Variants in SORCS1 observed in about 807,000 individuals in gnomAD.
The protein encoded by SORCS1 is sortilin related VPS10 domain containing receptor 1.
SORCS1 carries 60 observed loss-of-function variants against 146.1 expected under a neutral mutation model. That is an observed-to-expected ratio of 0.41 (90% CI 0.33 to 0.51). The LOEUF is 0.51. Among genes scored for constraint, SORCS1 ranks in the 20% least tolerant of loss-of-function variants. The probability of loss-of-function intolerance (pLI) is 0.21; values close to 1 mark genes in which losing one functional copy is unlikely to be tolerated. For synonymous variants in SORCS1, 637 were observed against 584.0 expected (o/e 1.09, Z -1.31); for missense variants, 1,352 against 1,487.6 (o/e 0.91, Z 1.50).
intron 2 of SORCS1, among the ~76,000 whole-genome samples, chr10:106,937,999 G>C: frequency 6.7e-6 from 1 of 150,264 alleles, no homozygotes. Flanking sequence ...AAGAAAGAAA[G>C]GAAGTGGTCT....
chr10:106,966,030 C>G (rs1955475637), intron 1 of SORCS1, among the ~76,000 whole-genome samples: 1 of 152,144 alleles, frequency 6.6e-6, no homozygotes, highest in Admixed American at 6.5e-5. Context: ...GGAACTGATC[C>G]TTCCATTTAA....
rs112797340 is a variant in SORCS1, at chr10:107,016,233, T to C, written c.559-59653A>G. ...ATAATATATGACAAAGGTTGCACTG[T>C]AGAATAGTCAGAAAAGATGGCTTTT... is the stretch of plus-strand genomic sequence containing the variant. On this transcript the variant is annotated intron_variant, in intron 1 of 25. Coordinates refer to ENST00000263054, the MANE Select transcript of SORCS1 (RefSeq NM_052918.5). 2.6e-4 allele frequency among the ~76,000 whole-genome samples: 39 copies of C among 152,334 alleles called. 2 individuals are homozygous for C. Among genetic ancestry groups the C allele is most frequent in the African/African-American group, 8.9e-4 (37 of 41,592 alleles).
In SORCS1 at chr10:106,771,529, A is replaced by T. The variant is rs372995600; in HGVS notation, c.885+5005T>A. Among the ~76,000 whole-genome samples the T allele has an allele frequency of 3.2e-3, 487 of 152,302 alleles. 1 individual carries two copies. The highest frequency in any genetic ancestry group is 0.011 in the African/African-American group (460 of 41,562). On this transcript the variant is annotated intron_variant, in intron 4 of 25. Coordinates refer to ENST00000263054, the MANE Select transcript of SORCS1 (RefSeq NM_052918.5). ...TCTGCTCAGTTTCCAAATGCAAAGAATTTTTTTAAATGGGTAGAATGCTTG... is the reference window on the plus strand; with the variant it reads ...TCTGCTCAGTTTCCAAATGCAAAGATTTTTTTTAAATGGGTAGAATGCTTG...
intron 1 of SORCS1, among the ~76,000 whole-genome samples, chr10:107,010,207 T>C (rs1405603333): frequency 6.6e-6 from 1 of 152,250 alleles, no homozygotes; most frequent in African/African-American, 2.4e-5. Context: ...ATTTGTTAAA[T>C]GAAATGCTGT....
intron 2 of SORCS1, among the ~76,000 whole-genome samples, chr10:106,837,316 A>G (rs950991933): frequency 7.2e-5 from 11 of 152,048 alleles, no homozygotes; most frequent in African/African-American, 2.7e-4. Context: ...GATTCCAGGA[A>G]AGTCTCACTC....
chr10:107,128,078 T>C (rs1350156572), intron 1 of SORCS1, among the ~76,000 whole-genome samples: 1 of 152,230 alleles, frequency 6.6e-6, no homozygotes, highest in Non-Finnish European at 1.5e-5. Flanking sequence ...CTTCCAGTAT[T>C]TCCACTTACT....
rs531348978 is a variant in SORCS1, at chr10:107,145,247, A to C, written c.558+18722T>G. 3.3e-5 allele frequency among the ~76,000 whole-genome samples: 5 copies of C among 152,352 alleles called. No individual in the cohort carries two copies. The South Asian group carries it at 8.3e-4, about 25-fold the overall frequency. ...ATTTCCTGATGGTACAAGTTTGTTA[A>C]ACTACCAGGAATTCTAGAAAAAGCG... On this transcript the variant is annotated intron_variant, in intron 1 of 25. Coordinates refer to ENST00000263054, the MANE Select transcript of SORCS1 (RefSeq NM_052918.5).
chr10:106,758,368 A>AT (rs1858821536), intron 5 of SORCS1, among the ~76,000 whole-genome samples: 1 of 152,000 alleles, frequency 6.6e-6, no homozygotes, highest in Non-Finnish European at 1.5e-5. Context: ...TCCTTTCAAT[A>AT]TTTTTCATTG....
rs977174922 is a variant in SORCS1, at chr10:106,934,268, CT to C, written c.626+22244del. ...TTTTTATTTTTTATTTTATTTATTT[CT>C]TTTTTTTAGATGGAGTCGCGCACTG... On this transcript the variant is annotated intron_variant, in intron 2 of 25. Coordinates refer to ENST00000263054, the MANE Select transcript of SORCS1 (RefSeq NM_052918.5). Among the ~76,000 whole-genome samples, 4 of 151,266 alleles carry C rather than the reference CT, an allele frequency of 2.6e-5. No homozygotes were observed. The South Asian group carries it at 8.4e-4, about 32-fold the overall frequency.
intron 22 of SORCS1, among the ~76,000 whole-genome samples, chr10:106,608,363 T>A (rs1846749524): frequency 1.3e-5 from 2 of 152,240 alleles, no homozygotes; most frequent in African/African-American, 4.8e-5. Flanking sequence ...GCCTTTGCTA[T>A]TTATCCTTCA....
intron 1 of SORCS1, among the ~76,000 whole-genome samples, chr10:107,108,534 G>A (rs1965462216): frequency 6.6e-6 from 1 of 152,040 alleles, no homozygotes; most frequent in Non-Finnish European, 1.5e-5. Context: ...AAGCCATCAG[G>A]AATCTACCCT....
chr10:106,813,383 T>C (rs1947575079), intron 3 of SORCS1, among the ~76,000 whole-genome samples: 1 of 151,666 alleles, frequency 6.6e-6, no homozygotes, highest in Admixed American at 6.6e-5. Context: ...CCTACCTACC[T>C]CGGCCTCCCA....
intron 9 of SORCS1, among the ~76,000 whole-genome samples, chr10:106,693,587 A>G (rs987519416): frequency 1.3e-5 from 2 of 152,232 alleles, no homozygotes; most frequent in African/African-American, 2.4e-5. Context: ...CTTGGCAGAT[A>G]TAATATGTAG....
intron 1 of SORCS1, among the ~76,000 whole-genome samples, chr10:107,052,911 A>C (rs1960259858): frequency 6.6e-6 from 1 of 152,130 alleles, no homozygotes; most frequent in African/African-American, 2.4e-5. Context: ...GATTCACAGC[A>C]ATCAAAGGAA....
At chr10:106,968,735 A>G (rs1955628462) in intron 1 of SORCS1, among the ~76,000 whole-genome samples, 1 of 152,258 alleles carries the variant, frequency 6.6e-6, no homozygotes, top group Non-Finnish European at 1.5e-5. Flanking sequence ...AAAACTGAAA[A>G]GAATGCAAGC....
intron 1 of SORCS1, among the ~76,000 whole-genome samples, chr10:107,011,703 A>G (rs888545508): frequency 6.6e-6 from 1 of 152,186 alleles, no homozygotes; most frequent in Non-Finnish European, 1.5e-5. Context: ...AGAATGTTTC[A>G]CCTTCTCCTT....
At chr10:106,989,271 G>GAAAAAA (rs1161174866) in intron 1 of SORCS1, among the ~76,000 whole-genome samples, 2 of 75,672 alleles carry the variant, frequency 2.6e-5, no homozygotes, top group African/African-American at 6.4e-5. Context: ...CTCCACCTCA[G>GAAAAAA]AAAAAAAAAA....
chr10:106,909,702 A>G (rs866978196), intron 2 of SORCS1, among the ~76,000 whole-genome samples: 2 of 152,188 alleles, frequency 1.3e-5, no homozygotes, highest in African/African-American at 4.8e-5. Flanking sequence ...TTAATTTTTT[A>G]AATTATTTTT....
chr10:106,705,289 A>G (rs1229922851), intron 8 of SORCS1, among the ~76,000 whole-genome samples: 1 of 152,168 alleles, frequency 6.6e-6, no homozygotes, highest in Non-Finnish European at 1.5e-5. Context: ...TATTACCTCT[A>G]ATGGGCTGAG....
Sources: allele counts gnomAD v4.1 joint callset (sites outside exome capture counted in the v4.1 genomes callset), GRCh38; gene constraint gnomAD v4.1.1; transcripts MANE v1.5; gene names NCBI Gene and HGNC (gene_info 2026-07-23, HGNC 2026-07-21).